Variants in MGAT4C observed in about 807,000 individuals in gnomAD.
MGAT4C encodes the protein alpha-1,3-mannosyl-glycoprotein 4-beta-N-acetylglucosaminyltransferase C.
A neutral mutation model predicts 40.1 loss-of-function variants in MGAT4C; 19 were observed. The observed-to-expected ratio is 0.47, with a 90% CI of 0.33 to 0.70. The LOEUF (loss-of-function observed/expected upper bound fraction) is 0.70. Ranked by LOEUF, MGAT4C falls within the 30% of genes least tolerant of loss-of-function variation. The pLI, the probability that MGAT4C is intolerant of heterozygous loss-of-function variation, is 0.02. For missense variants in MGAT4C, 491 were observed against 563.2 expected, an observed-to-expected ratio of 0.87 and a Z score of 1.30; for synonymous variants, 181 against 187.1, an observed-to-expected ratio of 0.97 and a Z score of 0.27.
At chr12:86,511,667 A>G (rs1043154716) in intron 2 of MGAT4C, among the ~76,000 whole-genome samples, 4 of 152,166 alleles carry the variant, frequency 2.6e-5, no homozygotes, top group South Asian at 2.1e-4. Flanking sequence ...AGTCTCTTCA[A>G]CAAATGGTGC....
intron 3 of MGAT4C, among the ~76,000 whole-genome samples, chr12:86,362,745 T>C (rs2136203407): frequency 6.6e-6 from 1 of 151,486 alleles, no homozygotes; most frequent in South Asian, 2.1e-4. Flanking sequence ...TGGGCACCTG[T>C]AGTCCCAGCT....
chr12:86,244,620 T>A (rs1951941365), intron 1 of MGAT4C, among the ~76,000 whole-genome samples: 1 of 152,000 alleles, frequency 6.6e-6, no homozygotes, highest in Non-Finnish European at 1.5e-5. Context: ...CCAAAACACA[T>A]AAAGCCTAGA....
At chr12:86,250,736 A>G (rs1249685612) in intron 1 of MGAT4C, among the ~76,000 whole-genome samples, 1 of 152,136 alleles carries the variant, frequency 6.6e-6, no homozygotes, top group African/African-American at 2.4e-5. Context: ...AAAGTTCCTA[A>G]AAGTTATTTA....
At chr12:86,504,796 C>T (rs1194689610) in intron 2 of MGAT4C, among the ~76,000 whole-genome samples, 1 of 152,134 alleles carries the variant, frequency 6.6e-6, no homozygotes, top group Non-Finnish European at 1.5e-5. Flanking sequence ...AAGCAATTCT[C>T]CTGCCTCAGC....
Position 86,084,402 on chromosome 12 carries a change from A to G in MGAT4C, c.-56-34679T>C, listed in dbSNP as rs139863793. Among the ~76,000 whole-genome samples, 1,012 of 152,192 alleles carry G rather than the reference A, an allele frequency of 6.6e-3. 9 individuals are homozygous for G. Among genetic ancestry groups the G allele is most frequent in the African/African-American group, 0.023 (949 of 41,560 alleles). ...TAAATCTATTCTTTAAAAGGAATAC[A>G]TTTTAGGATGTCATCACTTTGATGT... On this transcript the variant is annotated intron_variant, in intron 1 of 4. Coordinates refer to ENST00000611864, the MANE Select transcript of MGAT4C (RefSeq NM_001351288.2).
At chr12:86,733,298 A>AT (rs1316237176) in intron 1 of MGAT4C, among the ~76,000 whole-genome samples, 1 of 152,128 alleles carries the variant, frequency 6.6e-6, no homozygotes, top group Non-Finnish European at 1.5e-5. Flanking sequence ...AGTGTAAAGA[A>AT]TTATGCTTTT....
chr12:86,097,112 C>A lies in MGAT4C; in HGVS notation c.-56-47389G>T, dbSNP rs1356327111. On this transcript the variant is annotated intron_variant, in intron 1 of 4. Coordinates refer to ENST00000611864, the MANE Select transcript of MGAT4C (RefSeq NM_001351288.2). Reference sequence around the variant, plus strand: ...CGAGTATATTATAATATATTATCTCCAGCTGGCATGTTTGCATACAATCTT... The same window carrying A: ...CGAGTATATTATAATATATTATCTCAAGCTGGCATGTTTGCATACAATCTT... 2.0e-5 allele frequency among the ~76,000 whole-genome samples: 3 copies of A among 151,516 alleles called. No homozygotes were observed. The East Asian group carries it at 5.8e-4, about 29-fold the overall frequency.
intron 2 of MGAT4C, among the ~76,000 whole-genome samples, chr12:86,725,683 A>T (rs561816367): frequency 6.6e-6 from 1 of 152,074 alleles, no homozygotes; most frequent in East Asian, 1.9e-4. Flanking sequence ...GGCTGGTCTA[A>T]AACTCCTGAG....
intron 2 of MGAT4C, among the ~76,000 whole-genome samples, chr12:86,447,759 A>G (rs562979377): frequency 6.6e-6 from 1 of 152,280 alleles, no homozygotes; most frequent in Admixed American, 6.5e-5. Flanking sequence ...GCAAATATAG[A>G]TATTGAGGTA....
At chr12:86,461,617 A>G (rs1957603570) in intron 2 of MGAT4C, among the ~76,000 whole-genome samples, 1 of 152,164 alleles carries the variant, frequency 6.6e-6, no homozygotes, top group Admixed American at 6.5e-5. Context: ...GGGCTTCTAC[A>G]TTTCAATAGA....
chr12:86,311,618 G>A (rs1050158442), intron 4 of MGAT4C, among the ~76,000 whole-genome samples: 3 of 152,156 alleles, frequency 2.0e-5, no homozygotes, highest in Non-Finnish European at 4.4e-5. Flanking sequence ...GAATTGCAAA[G>A]GGTTCTGCAC....
intron 2 of MGAT4C, among the ~76,000 whole-genome samples, chr12:86,512,155 G>A (rs1292394731): frequency 6.6e-6 from 1 of 151,952 alleles, no homozygotes. Flanking sequence ...ATGTCAAATA[G>A]GTATATAAAA....
chr12:86,518,700 A>T (rs1958740660), intron 2 of MGAT4C, among the ~76,000 whole-genome samples: 1 of 152,186 alleles, frequency 6.6e-6, no homozygotes. Flanking sequence ...ATATGAAAAA[A>T]GAAAGTATAA....
intron 1 of MGAT4C, among the ~76,000 whole-genome samples, chr12:86,059,644 G>A (rs951394714): frequency 1.3e-5 from 2 of 152,138 alleles, no homozygotes; most frequent in South Asian, 2.1e-4. Flanking sequence ...GAAGTGGCTT[G>A]TATAGTTGAC....
chr12:86,739,066 A>G (rs773303280), intron 1 of MGAT4C, among the ~76,000 whole-genome samples: 7 of 134,280 alleles, frequency 5.2e-5, no homozygotes, highest in African/African-American at 8.3e-5. Context: ...TGTCATTCCA[A>G]TTTTTGTCTT....
intron 2 of MGAT4C, among the ~76,000 whole-genome samples, chr12:86,657,071 C>T (rs1421170257): frequency 6.6e-6 from 1 of 151,870 alleles, no homozygotes; most frequent in African/African-American, 2.4e-5. Context: ...CTTTTGCATC[C>T]TAAAAGTGAG....
At chr12:86,126,030 T>C (rs547134724) in intron 1 of MGAT4C, among the ~76,000 whole-genome samples, 1 of 152,090 alleles carries the variant, frequency 6.6e-6, no homozygotes, top group South Asian at 2.1e-4. Flanking sequence ...TACTAGTTAT[T>C]AGTATACAGG....
chr12:86,397,611 T>A (rs548501775), intron 3 of MGAT4C, among the ~76,000 whole-genome samples: 3 of 152,262 alleles, frequency 2.0e-5, no homozygotes, highest in African/African-American at 7.2e-5. Context: ...GCTTTGTGTA[T>A]ATTAGCTCCT....
At chr12:86,089,885 T>C (rs939691054) in intron 1 of MGAT4C, among the ~76,000 whole-genome samples, 8 of 151,802 alleles carry the variant, frequency 5.3e-5, no homozygotes, top group Non-Finnish European at 1.0e-4. Context: ...ATTTCATTTC[T>C]TTGATAACAG....
Sources: allele counts gnomAD v4.1 joint callset (sites outside exome capture counted in the v4.1 genomes callset), GRCh38; gene constraint gnomAD v4.1.1; transcripts MANE v1.5; gene names NCBI Gene and HGNC (gene_info 2026-07-23, HGNC 2026-07-21).